GRIP2: variants seen among roughly 807,000 people sequenced by gnomAD.
GRIP2 encodes glutamate receptor interacting protein 2, also known as glutamate receptor-interacting protein 2.
In GRIP2, 58 loss-of-function variants were observed where a neutral mutation model predicts 108.3. The observed-to-expected ratio is 0.54, with a 90% CI of 0.43 to 0.67. GRIP2 has a LOEUF of 0.67. Ranked by LOEUF, GRIP2 falls within the 30% of genes least tolerant of loss-of-function variation. GRIP2 has a pLI of 0.00. For synonymous variants in GRIP2, 586 were observed against 598.2 expected (o/e 0.98, Z 0.30); for missense variants, 1,278 against 1,430.6 (o/e 0.89, Z 1.72).
At chr3:14,573,438 A>C in the GRIP2 span, 1 of 1,448,298 alleles carries the variant, frequency 6.9e-7, no homozygotes, top group Non-Finnish European at 9.7e-7. Flanking sequence ...GTGCAGGAAG[A>C]GGGACAGCCA....
the GRIP2 span, among the ~76,000 whole-genome samples, chr3:14,576,078 G>A: frequency 5.9e-5 from 9 of 152,378 alleles, no homozygotes; most frequent in Middle Eastern, 0.024. Context: ...GCAGTGAGTG[G>A]ATCAGGGGCG....
chr3:14,507,000 T>A lies in GRIP2; in HGVS notation c.2219-20A>T, dbSNP rs1487290874. ...GGGGACCTGGGAGGAGAGAGGGGTG[T>A]CAATTCTGACTTCAGAGACACTCAC... On this transcript the variant is annotated intron_variant, in intron 18 of 23. Transcript: ENST00000621039. The A allele has an allele frequency of 6.4e-7, 1 of 1,574,118 alleles. No individual in the cohort carries two copies. Among genetic ancestry groups the A allele is most frequent in the Admixed American group, 1.8e-5 (1 of 54,540 alleles).
At chr3:14,551,076 C>T (rs1695139547) in intron 1 of GRIP2, among the ~76,000 whole-genome samples, 1 of 152,080 alleles carries the variant, frequency 6.6e-6, no homozygotes, top group Non-Finnish European at 1.5e-5. Flanking sequence ...GGCTGGGGGC[C>T]CAGAAGGGAC....
At position 14,551,738 on chromosome 3, in the gene GRIP2, G is replaced by A. The variant is rs147084985; in HGVS notation, c.55+4162C>T. Among the ~76,000 whole-genome samples the A allele has an allele frequency of 3.5e-3, 534 of 152,314 alleles. 3 individuals carry two copies. The highest frequency in any genetic ancestry group is 0.012 in the African/African-American group (508 of 41,570). ...GCAGGGGAGGCTGAATAAGCTGACCGTGAAGGAACGCCCCCGGGGTGAAAT... is the reference window on the plus strand; with the variant it reads ...GCAGGGGAGGCTGAATAAGCTGACCATGAAGGAACGCCCCCGGGGTGAAAT... On this transcript the variant is annotated intron_variant, in intron 1 of 23. Transcript: ENST00000637182.
Position 14,505,561 on chromosome 3 carries a change from C to A in GRIP2, c.2573+54G>T, listed in dbSNP as rs927425128. 1.5e-5 allele frequency: 24 copies of A among 1,565,716 alleles called. No individual in the cohort carries two copies. Among genetic ancestry groups the A allele is most frequent in the Non-Finnish European group, 1.9e-5 (22 of 1,154,172 alleles). On this transcript the variant is annotated intron_variant, in intron 20 of 23. Coordinates refer to ENST00000621039, the MANE Select transcript of GRIP2 (RefSeq NM_001080423.4). This position sits in a 1 kb window ranked among gnomAD's most constrained non-coding sequence, Gnocchi z 4.2. ...ACTTTGGCACAGGCACCCTCGCCCACCCCAGCCAAGACACTGTGACTCCCT... is the reference window on the plus strand; with the variant it reads ...ACTTTGGCACAGGCACCCTCGCCCAACCCAGCCAAGACACTGTGACTCCCT...
At chr3:14,579,463 G>T in the GRIP2 span, among the ~76,000 whole-genome samples, 1 of 152,188 alleles carries the variant, frequency 6.6e-6, no homozygotes, top group Admixed American at 6.5e-5. Flanking sequence ...AACTTTCTAG[G>T]GCTCGTGTGT....
chr3:14,540,449 G>A (rs141660780), upstream of GRIP2: 377 of 1,562,386 alleles, frequency 2.4e-4, no homozygotes, highest in African/African-American at 4.4e-3. This position sits in a 1 kb window ranked among gnomAD's most constrained non-coding sequence, Gnocchi z 4.1. Flanking sequence ...CCACTGCAGC[G>A]GGCGGCTCTC....
chr3:14,511,219 G>A lies in GRIP2; in HGVS notation c.1879C>T (p.Arg627Trp), dbSNP rs368026501. The A allele has an allele frequency of 4.1e-5, 66 of 1,613,836 alleles. No individual in the cohort carries two copies. The highest frequency in any genetic ancestry group is 5.0e-5 in the Admixed American group (3 of 59,990). The change falls in exon 16 of 24, where the codon CGG becomes TGG. Residue 627 changes from arginine to tryptophan, a missense_variant. Coordinates refer to ENST00000621039, the MANE Select transcript of GRIP2 (RefSeq NM_001080423.4). This position sits in a 1 kb window ranked among gnomAD's most constrained non-coding sequence, Gnocchi z 4.1. ...CPMEDAVQIL[R>W]QCEDLVKLKI... ...AGCTTCACCAGGTCCTCGCACTGCC[G>A]CAGGATTTGCACGGCGTCCTCCATG...
the GRIP2 span, among the ~76,000 whole-genome samples, chr3:14,590,217 G>T: frequency 6.6e-6 from 1 of 152,112 alleles, no homozygotes; most frequent in African/African-American, 2.4e-5. Context: ...GCCCTTTCTG[G>T]CCACCTGTGT....
At chr3:14,574,551 G>T in the GRIP2 span, 1 of 742,216 alleles carries the variant, frequency 1.3e-6, no homozygotes, top group Non-Finnish European at 2.5e-6. Context: ...GTCCTTGAGT[G>T]CTGCCTCTGA....
the GRIP2 span, among the ~76,000 whole-genome samples, chr3:14,577,896 C>G: frequency 6.6e-6 from 1 of 152,212 alleles, no homozygotes; most frequent in African/African-American, 2.4e-5. Flanking sequence ...AAGGATGGTG[C>G]AAACCCTCTC....
intron 1 of GRIP2, among the ~76,000 whole-genome samples, chr3:14,538,111 G>C (rs1257436210): frequency 6.6e-6 from 1 of 152,196 alleles, no homozygotes; most frequent in Admixed American, 6.5e-5. Context: ...GAGTCCATCA[G>C]GAGCAGAGAA....
Position 14,513,827 on chromosome 3 carries a change from C to G in GRIP2, c.1494-17G>C. ...AGCCCACACCTGAACCCAGGGGGCC[C>G]GGCAGAGAGAAGAGGCTCCGTGACA... On this transcript the variant is annotated splice_polypyrimidine_tract_variant and intron_variant, in intron 12 of 23. Coordinates refer to ENST00000621039, the MANE Select transcript of GRIP2 (RefSeq NM_001080423.4). 1.2e-6 allele frequency: 2 copies of G among 1,610,026 alleles called. No homozygotes were observed. The highest frequency in any genetic ancestry group is 1.7e-6 in the Non-Finnish European group (2 of 1,177,924).
rs762196039 is a variant in GRIP2, at chr3:14,505,823, C to A, written c.2399-34G>T. The A allele has an allele frequency of 4.1e-6, 6 of 1,475,010 alleles. No individual in the cohort carries two copies. The highest frequency in any genetic ancestry group is 5.0e-5 in the East Asian group (2 of 40,324). The allele number at this position is 1,475,010 out of a possible 1,614,324, so 91.4% of individuals were successfully genotyped here. ...GGAGAGAGGGCCTCTGTGTTCCCTG[C>A]GGCCTCACCTTGCCCTCCTGCCTGC... is the stretch of plus-strand genomic sequence containing the variant. On this transcript the variant is annotated intron_variant, in intron 19 of 23. Coordinates refer to ENST00000621039, the MANE Select transcript of GRIP2 (RefSeq NM_001080423.4). This position sits in a 1 kb window ranked among gnomAD's most constrained non-coding sequence, Gnocchi z 4.2.
At chr3:14,575,260 G>T in the GRIP2 span, among the ~76,000 whole-genome samples, 2 of 152,156 alleles carry the variant, frequency 1.3e-5, no homozygotes, top group Non-Finnish European at 2.9e-5. Context: ...GCCACTGTCC[G>T]CAATGCTGAT....
At chr3:14,582,510 A>G in the GRIP2 span, among the ~76,000 whole-genome samples, 5 of 152,192 alleles carry the variant, frequency 3.3e-5, no homozygotes, top group Non-Finnish European at 7.4e-5. Context: ...TTCCTAGATT[A>G]CAGGAAGGAT....
rs1287017582 is a variant in GRIP2, at chr3:14,540,246, C to A, written c.40+23G>T. 4 of 1,612,588 alleles carry A rather than the reference C, an allele frequency of 2.5e-6. No individual in the cohort carries two copies. The highest frequency in any genetic ancestry group is 1.7e-5 in the Admixed American group (1 of 59,902). ...CTATGTGTTCAGCCCCATCACTCTG[C>A]CCACAGACCCCCCATTACGTACCCG... On this transcript the variant is annotated intron_variant, in intron 1 of 23. Transcript: ENST00000621039. This position sits in a 1 kb window ranked among gnomAD's most constrained non-coding sequence, Gnocchi z 4.1.
chr3:14,585,053 C>T, the GRIP2 span, among the ~76,000 whole-genome samples: 1 of 152,198 alleles, frequency 6.6e-6, no homozygotes, highest in Non-Finnish European at 1.5e-5. Context: ...GAGATGGAGT[C>T]TCGCTCTGTT....
chr3:14,519,052 G>A (rs754179658), intron 9 of GRIP2, among the ~76,000 whole-genome samples: 2 of 152,214 alleles, frequency 1.3e-5, no homozygotes, highest in Non-Finnish European at 2.9e-5. Context: ...TCAGAGAGGT[G>A]TCATGAGGAA....
Sources: gnomAD v4.1 joint callset for allele counts (sites outside exome capture counted in the v4.1 genomes callset) on GRCh38, gnomAD v4.1.1 for gene constraint, Gnocchi (gnomAD v3.1) non-coding constraint, MANE v1.5 for transcripts, NCBI Gene and HGNC (gene_info 2026-07-23, HGNC 2026-07-21) for gene names.